TERT: variants seen among roughly 807,000 people sequenced by gnomAD.
TERT encodes the protein telomerase catalytic subunit.
A neutral mutation model predicts 104.0 loss-of-function variants in TERT; 42 were observed. The ratio of observed to expected loss-of-function variants is 0.40; its 90% CI spans 0.32 to 0.52. TERT has a LOEUF of 0.52. TERT is among the 20% of genes least tolerant of loss of function. The probability of loss-of-function intolerance (pLI) is 0.43; values close to 1 mark genes in which losing one functional copy is unlikely to be tolerated. For missense variants in TERT, 1,101 were observed against 1,610.3 expected, an observed-to-expected ratio of 0.68 and a Z score of 5.41; for synonymous variants, 781 against 725.6, an observed-to-expected ratio of 1.08 and a Z score of -1.23.
At chr5:1,273,919 T>G (rs538840464) in intron 6 of TERT, among the ~76,000 whole-genome samples, 55 of 152,302 alleles carry the variant, frequency 3.6e-4, no homozygotes, top group African/African-American at 1.2e-3. Flanking sequence ...GGGATGCAGG[T>G]GCAGCCACAG....
Position 1,253,605 on chromosome 5 carries a change from C to A in TERT, c.*123G>T. The A allele has an allele frequency of 1.2e-6, 1 of 809,140 alleles. No individual in the cohort carries two copies. Among genetic ancestry groups the A allele is most frequent in the Non-Finnish European group, 2.0e-6 (1 of 490,210 alleles). 50.1% of individuals were successfully genotyped at this position (809,140 alleles called of 1,614,324 possible). ...TGCAGGCCTCGGCCAAACACTCACT[C>A]AGGCCTCAGACTCCCAGCGGTGCGG... On this transcript the variant is annotated 3_prime_UTR_variant, in exon 16 of 16. Coordinates refer to ENST00000310581, the MANE Select transcript of TERT (RefSeq NM_198253.3).
At position 1,288,308 on chromosome 5, in the gene TERT, C is replaced by T. The variant is rs900996805; in HGVS notation, c.1573+5005G>A. The stretch of plus-strand genomic sequence containing the variant: ...ACTTAGAGGGAAAGGCATGACTAAA[C>T]TAAGAAGCTAGAAAAGGAATGAAAG... On this transcript the variant is annotated intron_variant, in intron 2 of 15. Coordinates refer to ENST00000310581, the MANE Select transcript of TERT (RefSeq NM_198253.3). The surrounding 1 kb of genome is among the most constrained non-coding windows in gnomAD (Gnocchi z 5.3). Among the ~76,000 whole-genome samples the T allele has an allele frequency of 1.3e-5, 2 of 152,084 alleles. No homozygotes were observed. The highest frequency in any genetic ancestry group is 4.8e-5 in the African/African-American group (2 of 41,414).
At position 1,268,685 on chromosome 5, in the gene TERT, C is replaced by CCCT; in HGVS notation, c.2469-53_2469-52insAGG. 2.3e-6 allele frequency: 3 copies of CCCT among 1,314,396 alleles called. No individual in the cohort carries two copies. The highest frequency in any genetic ancestry group is 3.3e-6 in the Non-Finnish European group (3 of 911,798). 81.4% of individuals were successfully genotyped at this position (1,314,396 alleles called of 1,614,324 possible). A position where few individuals can be genotyped will look rare whatever the true frequency, so the allele number is the denominator to read the frequency against. ...ACGGGCAGGGCATGTGCTGGACATG[C>CCCT]GTACACTCAAACCGAGCCACACACA... On this transcript the variant is annotated intron_variant, in intron 8 of 15. Coordinates refer to ENST00000310581, the MANE Select transcript of TERT (RefSeq NM_198253.3). This position sits in a 1 kb window ranked among gnomAD's most constrained non-coding sequence, Gnocchi z 5.5.
chr5:1,260,747 T>C (rs1214797726), intron 11 of TERT, 147 bp from the exon 12 acceptor site: 18 of 1,126,966 alleles, frequency 1.6e-5, no homozygotes, highest in Middle Eastern at 2.8e-4. Context: ...GGCTGGGTGC[T>C]CACTCCATGG....
At chr5:1,258,547 A>G in intron 13 of TERT, 51 bp downstream of exon 13, 1 of 1,517,170 alleles carries the variant, frequency 6.6e-7, no homozygotes, top group Non-Finnish European at 9.0e-7. Flanking sequence ...AGGTGAGCAG[A>G]GCGCGGAGGG....
At chr5:1,264,788 A>T (rs1186075524) in intron 10 of TERT, among the ~76,000 whole-genome samples, 196 bp from the exon 11 acceptor site, 1 of 152,174 alleles carries the variant, frequency 6.6e-6, no homozygotes. Flanking sequence ...TCTCCCGGGC[A>T]GGACAGGTAG....
At chr5:1,275,204 G>A (rs963538942) in intron 6 of TERT, among the ~76,000 whole-genome samples, 3 of 151,992 alleles carry the variant, frequency 2.0e-5, no homozygotes, top group Admixed American at 6.6e-5. Flanking sequence ...GAGAAACCTC[G>A]TCTCTACTAA....
At chr5:1,285,941 T>C (rs1026850352) in intron 2 of TERT, among the ~76,000 whole-genome samples, 7 of 151,738 alleles carry the variant, frequency 4.6e-5, no homozygotes, top group African/African-American at 1.7e-4. Flanking sequence ...GCCTCATCCT[T>C]TGTCCTGGTT....
chr5:1,283,243 C>T (rs1750180000), intron 2 of TERT, among the ~76,000 whole-genome samples: 1 of 132,204 alleles, frequency 7.6e-6, no homozygotes, highest in South Asian at 2.5e-4. Flanking sequence ...CCCGGACCTG[C>T]ACCATCCGAC....
rs35703455 is a variant in TERT, at chr5:1,260,346, G to A, written c.2970+128C>T. 1,819 of 1,443,000 alleles carry A rather than the reference G, an allele frequency of 1.3e-3. 15 individuals carry two copies. In the African/African-American group the frequency reaches 0.021, roughly 16 times the overall value. The allele number at this position is 1,443,000 out of a possible 1,614,324, so 89.4% of individuals were successfully genotyped here. ...CATGTATGTGCTCACGTGTATATGC[G>A]TACATGTGCACTCTTACGTGCAGCC... On this transcript the variant is annotated intron_variant, in intron 12 of 15. Transcript: ENST00000310581.
intron 2 of TERT, among the ~76,000 whole-genome samples, chr5:1,283,830 C>T (rs1393281642): frequency 1.4e-5 from 2 of 140,644 alleles, no homozygotes; most frequent in South Asian, 2.4e-4. Context: ...AAGGGCCTAG[C>T]GACCTCACCC....
intron 9 of TERT, among the ~76,000 whole-genome samples, chr5:1,267,297 T>A (rs1307781609): frequency 6.6e-6 from 1 of 152,210 alleles, no homozygotes; most frequent in East Asian, 1.9e-4. Flanking sequence ...CTTCACTAAC[T>A]GTCTGCTTGT....
At position 1,270,696 on chromosome 5, in the gene TERT, G is replaced by A. The variant is rs1457933346; in HGVS notation, c.2468+423C>T. ...TCGCGGGGGTCACACGACAGGGACA[G>A]GAATGAGAATCGGATAAAATCCTTT... On this transcript the variant is annotated intron_variant, in intron 8 of 15. Transcript: ENST00000310581. This position sits in a 1 kb window ranked among gnomAD's most constrained non-coding sequence, Gnocchi z 8.3. Among the ~76,000 whole-genome samples the A allele has an allele frequency of 6.6e-6, 1 of 152,278 alleles. No individual in the cohort carries two copies. The highest frequency in any genetic ancestry group is 1.5e-5 in the Non-Finnish European group (1 of 68,050).
chr5:1,293,293 G>A lies in TERT; in HGVS notation c.1573+20C>T, dbSNP rs2126683479. 1 of 1,611,646 alleles carries A rather than the reference G, an allele frequency of 6.2e-7. No individual in the cohort carries two copies. The highest frequency in any genetic ancestry group is 8.5e-7 in the Non-Finnish European group (1 of 1,179,960). ...ATTCAGCTCTGGGGCCTGGGCCCTC[G>A]ACGGCCACCACCTCCTCACCTGGGC... On this transcript the variant is annotated intron_variant, in intron 2 of 15. Coordinates refer to ENST00000310581, the MANE Select transcript of TERT (RefSeq NM_198253.3).
chr5:1,293,018 G>A (rs566780818), intron 2 of TERT, among the ~76,000 whole-genome samples: 2 of 152,272 alleles, frequency 1.3e-5, no homozygotes, highest in South Asian at 4.1e-4. Context: ...CCCCATTGCC[G>A]GCAACCCGGC....
rs6863310 is a variant in TERT, at chr5:1,268,829, T to A, written c.2469-196A>T. Among the ~76,000 whole-genome samples the A allele has an allele frequency of 0.033, 5,076 of 152,304 alleles. 320 individuals carry two copies. Among genetic ancestry groups the A allele is most frequent in the African/African-American group, 0.12 (4,794 of 41,556 alleles). ...CCTGCTCCCCACTCTCACCATGCAC[T>A]GGGGCGGCTGAAACAGATCCAGCCA... is the stretch of plus-strand genomic sequence containing the variant. On this transcript the variant is annotated intron_variant, in intron 8 of 15. Transcript: ENST00000310581. The surrounding 1 kb of genome is among the most constrained non-coding windows in gnomAD (Gnocchi z 5.5).
At chr5:1,279,015 G>A (rs1561202863) in intron 5 of TERT, among the ~76,000 whole-genome samples, 2 of 152,264 alleles carry the variant, frequency 1.3e-5, no homozygotes, top group African/African-American at 2.4e-5. Context: ...TGGTGGCTGA[G>A]CCGTTGCGGT....
Position 1,272,288 on chromosome 5 carries a change from C to T in TERT, c.2287-8G>A, listed in dbSNP as rs766904121. 5.0e-6 allele frequency: 8 copies of T among 1,607,862 alleles called. No individual in the cohort carries two copies. The South Asian group carries it at 7.8e-5, about 16-fold the overall frequency. ...GTCTGTCAAGGTAGAGACCTGCCGG[C>T]AGAGGAGAGGGCATGAGCCACAAAT... On this transcript the variant is annotated splice_region_variant and splice_polypyrimidine_tract_variant and intron_variant, in intron 6 of 15. Transcript: ENST00000310581.
intron 15 of TERT, 40 bp from the exon 16 acceptor site, chr5:1,253,871 G>T: frequency 6.3e-7 from 1 of 1,578,500 alleles, no homozygotes; most frequent in Non-Finnish European, 8.6e-7. Flanking sequence ...GAAGAGGCCA[G>T]AGGTGGCATC....
Sources: gnomAD v4.1 joint callset for allele counts (sites outside exome capture counted in the v4.1 genomes callset) on GRCh38, gnomAD v4.1.1 for gene constraint, Gnocchi (gnomAD v3.1) non-coding constraint, MANE v1.5 for transcripts, NCBI Gene and HGNC (gene_info 2026-07-23, HGNC 2026-07-21) for gene names.